NBEA: variants seen among roughly 807,000 people sequenced by gnomAD.
The protein encoded by NBEA is neurobeachin.
In NBEA, 44 loss-of-function variants were observed where a neutral mutation model predicts 343.4. The observed-to-expected ratio is 0.13, with a 90% CI of 0.10 to 0.16. The LOEUF (loss-of-function observed/expected upper bound fraction) is 0.16. Ranked by LOEUF, NBEA falls within the 10% of genes least tolerant of loss-of-function variation. The pLI is 1.00. For missense variants in NBEA, 2,555 were observed against 3,631.3 expected, an observed-to-expected ratio of 0.70 and a Z score of 7.62; for synonymous variants, 1,175 against 1,238.7, an observed-to-expected ratio of 0.95 and a Z score of 1.08.
At chr13:35,327,107 A>G (rs1388723790) in intron 36 of NBEA, among the ~76,000 whole-genome samples, 1 of 151,990 alleles carries the variant, frequency 6.6e-6, no homozygotes, top group Non-Finnish European at 1.5e-5. Context: ...AGTAATGGAT[A>G]TTATAAAATA....
chr13:35,475,335 G>A (rs761958287), intron 41 of NBEA: 3 of 1,613,936 alleles, frequency 1.9e-6, no homozygotes, highest in Non-Finnish European at 2.5e-6. Context: ...AATTGTTCAA[G>A]GGCTGGCCCG....
intron 41 of NBEA, among the ~76,000 whole-genome samples, chr13:35,495,390 T>G (rs938160735): frequency 7.2e-5 from 11 of 151,920 alleles, no homozygotes; most frequent in African/African-American, 2.7e-4. Context: ...CAGATAGAAT[T>G]GAAAAAAGAA....
At chr13:35,197,789 C>A (rs560790662) in intron 31 of NBEA, among the ~76,000 whole-genome samples, 1 of 152,268 alleles carries the variant, frequency 6.6e-6, no homozygotes, top group East Asian at 1.9e-4. Flanking sequence ...CGTGCGCCAC[C>A]GCACCTGGCC....
chr13:35,537,333 G>C (rs1003471533), intron 41 of NBEA, among the ~76,000 whole-genome samples: 6 of 151,874 alleles, frequency 4.0e-5, no homozygotes, highest in Non-Finnish European at 7.4e-5. Context: ...ATTAATAGAA[G>C]TTAATCAGAA....
chr13:35,601,761 C>CAAAAAAAAAAAAAA (rs869213180), intron 47 of NBEA, among the ~76,000 whole-genome samples: 5 of 114,930 alleles, frequency 4.4e-5, no homozygotes, highest in African/African-American at 1.1e-4. Context: ...GACTCCATCG[C>CAAAAAAAAAAAAAA]AAAAAAAAAA....
At chr13:35,410,977 T>G (rs555602426) in intron 38 of NBEA, among the ~76,000 whole-genome samples, 29 of 152,304 alleles carry the variant, frequency 1.9e-4, no homozygotes, top group Non-Finnish European at 3.1e-4. Flanking sequence ...ATTATCGTTC[T>G]TTGGTTCTCC....
At chr13:35,466,304 T>C (rs2075384501) in intron 40 of NBEA, among the ~76,000 whole-genome samples, 1 of 152,196 alleles carries the variant, frequency 6.6e-6, no homozygotes, top group Non-Finnish European at 1.5e-5. Context: ...AACAGTGAGC[T>C]TTTGTGTAAA....
chr13:35,647,001 CAT>C (rs1342370716), intron 51 of NBEA, among the ~76,000 whole-genome samples: 1 of 152,194 alleles, frequency 6.6e-6, no homozygotes, highest in Non-Finnish European at 1.5e-5. Flanking sequence ...CAGCACCTGT[CAT>C]ACAATAAGTT....
At chr13:34,943,384 G>A (rs900609663) in intron 1 of NBEA, among the ~76,000 whole-genome samples, 3 of 152,084 alleles carry the variant, frequency 2.0e-5, no homozygotes, top group African/African-American at 2.4e-5. Context: ...AGGACCGCGA[G>A]TAACCCAGTA....
intron 47 of NBEA, among the ~76,000 whole-genome samples, chr13:35,596,340 T>A (rs2081803177): frequency 6.6e-6 from 1 of 152,262 alleles, no homozygotes; most frequent in East Asian, 1.9e-4. Context: ...ACCTAAAGTT[T>A]TTATTCTTAT....
intron 28 of NBEA, among the ~76,000 whole-genome samples, chr13:35,178,957 T>C (rs1447300034): frequency 6.6e-6 from 1 of 151,548 alleles, no homozygotes; most frequent in East Asian, 1.9e-4. Flanking sequence ...AAAGGCACAG[T>C]CAGACGTAAT....
intron 30 of NBEA, among the ~76,000 whole-genome samples, chr13:35,191,627 A>G (rs910564366): frequency 1.3e-5 from 2 of 151,790 alleles, no homozygotes; most frequent in African/African-American, 4.8e-5. Context: ...GCATTTATGG[A>G]TTTAATATAA....
Position 35,593,356 on chromosome 13 carries a change from C to G in NBEA, c.7205C>G (p.Ala2402Gly). 1 of 1,612,628 alleles carries G rather than the reference C, an allele frequency of 6.2e-7. No homozygotes were observed. Among genetic ancestry groups the G allele is most frequent in the Non-Finnish European group, 8.5e-7 (1 of 1,178,972 alleles). ...IEPFTTFFLNANDGKFDHPDR... is the reference protein window; with the variant it reads ...IEPFTTFFLNGNDGKFDHPDR... ...CCTTTCACAACCTTCTTCCTCAATG[C>G]AAATGATGGAAAATTTGATCATCCA... Residue 2402 changes from alanine to glycine, a missense_variant, in exon 47 of 59, where the codon GCA becomes GGA. By Grantham distance (60) the Ala-to-Gly change is moderately conservative (BLOSUM62 0). Transcript: ENST00000379939.
chr13:35,069,971 T>C lies in NBEA; in HGVS notation c.1303T>C (p.Tyr435His), dbSNP rs781132346. 6.2e-7 allele frequency: 1 copy of C among 1,605,588 alleles called. No individual in the cohort carries two copies. The change falls in exon 9 of 59, where the codon TAT (tyrosine) becomes CAT (histidine). Residue 435 changes from tyrosine to histidine, a missense_variant. Tyr to His is a moderately conservative substitution (Grantham distance 83, BLOSUM62 2). Transcript: ENST00000379939. ...HLAEHHKQVL[Y>H]DGKLASSIAF... ...GGCAGAACATCATAAACAGGTGTTATATGATGGGAAACTTGCAAGTAGCAT... is the reference window on the plus strand; with the variant it reads ...GGCAGAACATCATAAACAGGTGTTACATGATGGGAAACTTGCAAGTAGCAT...
chr13:35,660,406 C>T (rs1161469344), intron 55 of NBEA, among the ~76,000 whole-genome samples: 1 of 152,198 alleles, frequency 6.6e-6, no homozygotes, highest in Non-Finnish European at 1.5e-5. Context: ...CTTTTCAACT[C>T]AAATCTACAA....
intron 1 of NBEA, among the ~76,000 whole-genome samples, chr13:34,947,369 C>G (rs944394706): frequency 6.6e-6 from 1 of 152,110 alleles, no homozygotes; most frequent in African/African-American, 2.4e-5. Flanking sequence ...AAAAATATCT[C>G]AAGGTTCTTT....
intron 1 of NBEA, among the ~76,000 whole-genome samples, chr13:34,997,306 A>G (rs1346926389): frequency 6.6e-6 from 1 of 152,196 alleles, no homozygotes; most frequent in Admixed American, 6.5e-5. Context: ...ATTTGACTCT[A>G]TAAAAGCCTA....
At chr13:35,607,757 G>C (rs1206422905) in intron 48 of NBEA, among the ~76,000 whole-genome samples, 1 of 140,268 alleles carries the variant, frequency 7.1e-6, no homozygotes. Context: ...ATCATTTAAA[G>C]TAAAAAAAAA....
intron 36 of NBEA, among the ~76,000 whole-genome samples, chr13:35,311,714 TGTG>T (rs1446465316): frequency 6.6e-6 from 1 of 151,974 alleles, no homozygotes; most frequent in African/African-American, 2.4e-5. Context: ...ATTAGCCAGT[TGTG>T]GTGGCAGGTG....
Sources: gnomAD v4.1 joint callset for allele counts (sites outside exome capture counted in the v4.1 genomes callset) on GRCh38, gnomAD v4.1.1 for gene constraint, MANE v1.5 for transcripts, NCBI Gene and HGNC (gene_info 2026-07-23, HGNC 2026-07-21) for gene names.